DLG2: variants seen among roughly 807,000 people sequenced by gnomAD.
The protein encoded by DLG2 is disks large homolog 2.
Under a neutral mutation model 132.5 loss-of-function variants are expected in DLG2, and 45 were observed. The ratio of observed to expected loss-of-function variants is 0.34; its 90% CI spans 0.27 to 0.44. DLG2 has a LOEUF of 0.44. DLG2 is among the 20% of genes least tolerant of loss of function. DLG2 has a pLI of 1.00. For missense variants in DLG2, 1,045 were observed against 1,196.9 expected, an observed-to-expected ratio of 0.87 and a Z score of 1.87; for synonymous variants, 424 against 419.6, an observed-to-expected ratio of 1.01 and a Z score of -0.13.
chr11:83,839,684 T>C (rs1488462218), intron 16 of DLG2, among the ~76,000 whole-genome samples: 8 of 152,208 alleles, frequency 5.3e-5, no homozygotes, highest in Non-Finnish European at 5.9e-5. Context: ...CATTGAAGTA[T>C]ATATAAGCCA....
In DLG2 at chr11:85,215,620, C is replaced by A. The variant is rs1010097200; in HGVS notation, c.187-60969G>T. ...AGATGTTCCAGAAGAATCTACATAACAAAATCTTACTAAAACAACCCTTAT... is the reference window on the plus strand; with the variant it reads ...AGATGTTCCAGAAGAATCTACATAAAAAAATCTTACTAAAACAACCCTTAT... On this transcript the variant is annotated intron_variant, in intron 4 of 27. Coordinates refer to ENST00000376104, the MANE Select transcript of DLG2 (RefSeq NM_001142699.3). Among the ~76,000 whole-genome samples the A allele has an allele frequency of 4.6e-5, 7 of 152,238 alleles. No individual in the cohort carries two copies. The South Asian group carries it at 8.3e-4, about 18-fold the overall frequency.
chr11:84,390,210 G>C (rs1168043454), intron 7 of DLG2, among the ~76,000 whole-genome samples: 1 of 152,052 alleles, frequency 6.6e-6, no homozygotes, highest in African/African-American at 2.4e-5. Flanking sequence ...TTAAAACTAA[G>C]CTGTGAAACA....
chr11:83,829,844 C>T (rs1047886411), intron 17 of DLG2, among the ~76,000 whole-genome samples: 3 of 151,800 alleles, frequency 2.0e-5, no homozygotes, highest in Non-Finnish European at 4.4e-5. Flanking sequence ...TGTGCTGCAC[C>T]CTTTAACTCG....
chr11:84,413,808 C>T (rs2098918691), intron 7 of DLG2, among the ~76,000 whole-genome samples: 2 of 152,178 alleles, frequency 1.3e-5, no homozygotes, highest in Non-Finnish European at 2.9e-5. Context: ...ATCCTTCTCC[C>T]TGACAGATAT....
intron 7 of DLG2, among the ~76,000 whole-genome samples, chr11:84,285,190 C>T (rs1247521717): frequency 6.6e-6 from 1 of 152,124 alleles, no homozygotes; most frequent in East Asian, 1.9e-4. Context: ...TATAACAGCT[C>T]CAAAAGCTGA....
intron 6 of DLG2, among the ~76,000 whole-genome samples, chr11:84,676,466 C>T (rs1342196159): frequency 6.6e-6 from 1 of 152,046 alleles, no homozygotes; most frequent in East Asian, 1.9e-4. Flanking sequence ...TATGGCACAG[C>T]TATGATTGGG....
At chr11:84,093,241 T>C (rs192877070) in intron 10 of DLG2, among the ~76,000 whole-genome samples, 4 of 152,282 alleles carry the variant, frequency 2.6e-5, no homozygotes, top group Admixed American at 2.6e-4. Flanking sequence ...TTCAGGGTCT[T>C]CTTCCGAGCT....
At position 84,321,247 on chromosome 11, in the gene DLG2, C is replaced by T. The variant is rs1400071269; in HGVS notation, c.520-69956G>A. On this transcript the variant is annotated intron_variant, in intron 7 of 27. Coordinates refer to ENST00000376104, the MANE Select transcript of DLG2 (RefSeq NM_001142699.3). ...CCATGATGACCACTGTGATGTCTAA[C>T]CCAGCATCATTTCTGTGTAGAACTG... Among the ~76,000 whole-genome samples the T allele has an allele frequency of 2.9e-4, 44 of 152,122 alleles. 1 individual carries two copies. The highest frequency in any genetic ancestry group is 2.9e-3 in the Admixed American group (44 of 15,276).
At chr11:85,581,278 T>C (rs1484995453) in intron 3 of DLG2, among the ~76,000 whole-genome samples, 1 of 152,014 alleles carries the variant, frequency 6.6e-6, no homozygotes, top group Non-Finnish European at 1.5e-5. Context: ...TTAACTCCGC[T>C]CATACCTTTG....
chr11:83,700,045 G>A (rs1027154147), intron 18 of DLG2, among the ~76,000 whole-genome samples: 6 of 151,346 alleles, frequency 4.0e-5, no homozygotes, highest in South Asian at 2.1e-4. Context: ...TTTGTGAGAC[G>A]AATGAGGGCA....
chr11:83,828,918 C>T (rs1185003478), intron 17 of DLG2, among the ~76,000 whole-genome samples: 1 of 151,850 alleles, frequency 6.6e-6, no homozygotes, highest in Non-Finnish European at 1.5e-5. Flanking sequence ...ATATACAATA[C>T]CTGGCACATA....
intron 4 of DLG2, among the ~76,000 whole-genome samples, chr11:85,241,531 A>G (rs2075877264): frequency 6.6e-6 from 1 of 151,950 alleles, no homozygotes; most frequent in South Asian, 2.1e-4. Context: ...GTATGTGTGT[A>G]AGTAAAATGG....
At chr11:84,768,685 C>G (rs2068788559) in intron 6 of DLG2, among the ~76,000 whole-genome samples, 1 of 151,942 alleles carries the variant, frequency 6.6e-6, no homozygotes, top group Non-Finnish European at 1.5e-5. Flanking sequence ...TCTATAAACC[C>G]TAGGACAAAT....
intron 6 of DLG2, among the ~76,000 whole-genome samples, chr11:84,549,224 G>A (rs1229354733): frequency 6.6e-6 from 1 of 152,210 alleles, no homozygotes; most frequent in African/African-American, 2.4e-5. Context: ...TTGGTACCAA[G>A]AAATCAAAGC....
chr11:84,949,240 C>T (rs978404432), intron 6 of DLG2, among the ~76,000 whole-genome samples: 53 of 151,886 alleles, frequency 3.5e-4, no homozygotes, highest in Admixed American at 3.0e-3. Flanking sequence ...AGGGAGTGTG[C>T]GAATAGGTGT....
At chr11:84,281,348 G>A (rs1346705023) in intron 7 of DLG2, among the ~76,000 whole-genome samples, 1 of 152,000 alleles carries the variant, frequency 6.6e-6, no homozygotes, top group Non-Finnish European at 1.5e-5. Flanking sequence ...TAAGAAAATA[G>A]AGAAGCCACA....
chr11:84,191,311 A>G (rs1009557856), intron 8 of DLG2, among the ~76,000 whole-genome samples: 2 of 152,212 alleles, frequency 1.3e-5, no homozygotes, highest in African/African-American at 4.8e-5. Flanking sequence ...ATGACTACAC[A>G]TAGAATTATT....
Position 83,849,228 on chromosome 11 carries a change from G to A in DLG2, c.1566-15458C>T, listed in dbSNP as rs55885112. Among the ~76,000 whole-genome samples the A allele has an allele frequency of 5.6e-3, 838 of 150,890 alleles. 6 individuals carry two copies. The highest frequency in any genetic ancestry group is 0.019 in the African/African-American group (768 of 40,874). Reference sequence around the variant, plus strand: ...GTATAATGGTAGTACTTACATTGTGGTTTTTGTGAGGATTAAATGGGATAA... The same window carrying A: ...GTATAATGGTAGTACTTACATTGTGATTTTTGTGAGGATTAAATGGGATAA... On this transcript the variant is annotated intron_variant, in intron 16 of 27. Transcript: ENST00000376104.
intron 7 of DLG2, among the ~76,000 whole-genome samples, chr11:84,380,905 G>T (rs2098747002): frequency 6.6e-6 from 1 of 151,890 alleles, no homozygotes. Context: ...CATAAATGGT[G>T]TATTTATGAA....
Sources: gnomAD v4.1 joint callset for allele counts (sites outside exome capture counted in the v4.1 genomes callset) on GRCh38, gnomAD v4.1.1 for gene constraint, MANE v1.5 for transcripts, NCBI Gene and HGNC (gene_info 2026-07-23, HGNC 2026-07-21) for gene names.